The following CAT variants were observed in gnomAD, a reference collection of about 807,000 sequenced individuals.
The protein encoded by CAT is epididymis secretory sperm binding protein.
In CAT, 43 loss-of-function variants were observed where a neutral mutation model predicts 59.0. The observed-to-expected ratio is 0.73, with a 90% CI of 0.57 to 0.94. CAT has a LOEUF of 0.94. Ranked by LOEUF, CAT falls within the 40% of genes least tolerant of loss-of-function variation. The pLI, the probability that CAT is intolerant of heterozygous loss-of-function variation, is 0.00. For missense variants in CAT, 664 were observed against 682.9 expected (o/e 0.97, Z 0.31); for synonymous variants, 218 against 230.9 (o/e 0.94, Z 0.51).
intron 11 of CAT, among the ~76,000 whole-genome samples, chr11:34,469,908 C>T (rs1251770330): frequency 6.6e-6 from 1 of 152,130 alleles, no homozygotes; most frequent in African/African-American, 2.4e-5. Context: ...TCAGGTGATC[C>T]ACCCATCTTG....
chr11:34,439,162 G>C, intron 1 of CAT, 83 bp downstream of exon 1: 1 of 1,334,394 alleles, frequency 7.5e-7, no homozygotes, highest in Non-Finnish European at 1.1e-6. Context: ...GCTTCCCCCG[G>C]GGCGGCGCTT....
Position 34,456,136 on chromosome 11 carries a change from T to C in CAT, c.837T>C (p.Phe279=), listed in dbSNP as rs778966111. 1 of 1,614,056 alleles carries C rather than the reference T, an allele frequency of 6.2e-7. No individual in the cohort carries two copies. The highest frequency in any genetic ancestry group is 2.2e-5 in the East Asian group (1 of 44,876). ...IATGKYPSWT[F]YIQVMTFNQA... is the part of the protein sequence containing the mutation. The stretch of plus-strand genomic sequence containing the variant: ...CAGGAAAGTACCCCTCCTGGACTTT[T>C]TACATCCAGGTCATGACATTTAATC... Residue 279 remains phenylalanine, a synonymous_variant, in exon 7 of 13, where the codon TTT becomes TTC. Transcript: ENST00000241052.
intron 1 of CAT, among the ~76,000 whole-genome samples, chr11:34,442,364 G>A (rs950751207): frequency 4.6e-5 from 7 of 152,196 alleles, no homozygotes; most frequent in Non-Finnish European, 1.0e-4. Context: ...CACTTTGGGA[G>A]GCTGAGGTGG....
At chr11:34,458,964 C>A (rs1564964521) in intron 8 of CAT, among the ~76,000 whole-genome samples, 1 of 151,738 alleles carries the variant, frequency 6.6e-6, no homozygotes, top group Non-Finnish European at 1.5e-5. Flanking sequence ...AATTTTAGTT[C>A]TGGCAAATAT....
chr11:34,465,250 G>C (rs1259913652), intron 10 of CAT, among the ~76,000 whole-genome samples: 1 of 152,140 alleles, frequency 6.6e-6, no homozygotes, highest in Non-Finnish European at 1.5e-5. Context: ...TGTGAATGTG[G>C]GTTCCAAGTA....
chr11:34,444,431 C>T (rs1856425923), intron 1 of CAT, among the ~76,000 whole-genome samples: 1 of 152,200 alleles, frequency 6.6e-6, no homozygotes, highest in Non-Finnish European at 1.5e-5. Flanking sequence ...CAGTCAATAT[C>T]TAGACCACCC....
intron 10 of CAT, among the ~76,000 whole-genome samples, chr11:34,466,310 A>T (rs1856715312): frequency 6.6e-6 from 1 of 152,218 alleles, no homozygotes; most frequent in Non-Finnish European, 1.5e-5. Context: ...TTTATATGGA[A>T]ATGTTCAGCA....
chr11:34,450,159 A>C (rs1217909648), intron 2 of CAT, among the ~76,000 whole-genome samples: 1 of 152,222 alleles, frequency 6.6e-6, no homozygotes, highest in Non-Finnish European at 1.5e-5. Context: ...ACGTTGAACA[A>C]AACAATGTTG....
At chr11:34,462,902 T>G (rs1240378625) in intron 9 of CAT, among the ~76,000 whole-genome samples, 3 of 152,222 alleles carry the variant, frequency 2.0e-5, no homozygotes, top group African/African-American at 7.2e-5. Context: ...AAGAAAACAC[T>G]GTGATGGCTG....
At chr11:34,466,798 A>G (rs1032363170) in intron 10 of CAT, among the ~76,000 whole-genome samples, 2 of 150,438 alleles carry the variant, frequency 1.3e-5, no homozygotes, top group Admixed American at 6.6e-5. Flanking sequence ...AAAAAAAAAA[A>G]AAAAAAGAAA....
intron 8 of CAT, among the ~76,000 whole-genome samples, chr11:34,460,450 T>TA (rs1856637066): frequency 7.0e-6 from 1 of 142,698 alleles, no homozygotes; most frequent in Admixed American, 6.9e-5. Context: ...GCGGTACTTT[T>TA]TTTTTTTTTT....
chr11:34,451,124 G>C lies in CAT; in HGVS notation c.349+26G>C, dbSNP rs778103137. ...GTAAGTTGGTTTATTGGCGTGATTG[G>C]TATGGCTTAACTCAACTTCACCTTT... On this transcript the variant is annotated intron_variant, in intron 3 of 12. Coordinates refer to ENST00000241052, the MANE Select transcript of CAT (RefSeq NM_001752.4). 3.8e-6 allele frequency: 5 copies of C among 1,315,892 alleles called. No homozygotes were observed. In the Admixed American group the frequency reaches 6.7e-5, roughly 18 times the overall value. The allele number at this position is 1,315,892 out of a possible 1,614,324, so 81.5% of individuals were successfully genotyped here.
intron 6 of CAT, among the ~76,000 whole-genome samples, chr11:34,455,653 A>G (rs1564963616): frequency 6.6e-6 from 1 of 152,164 alleles, no homozygotes; most frequent in Non-Finnish European, 1.5e-5. Flanking sequence ...AAAGGCAAGT[A>G]GTCCTTTAAT....
chr11:34,459,302 C>G (rs1268190189), intron 8 of CAT, among the ~76,000 whole-genome samples: 1 of 152,118 alleles, frequency 6.6e-6, no homozygotes, highest in African/African-American at 2.4e-5. Context: ...TGGGGTTATT[C>G]CTGCTGAGAG....
chr11:34,464,209 A>G lies in CAT; in HGVS notation c.1300A>G (p.Thr434Ala), dbSNP rs770199564. ...QYSGEVRRFN[T>A]ANDDNVTQVR... ...TTCTGGAGAAGTGCGGAGATTCAAC[A>G]CTGCCAATGATGATAACGTTACTCA... Residue 434 changes from threonine to alanine, a missense_variant, in exon 10 of 13, where the codon ACT (threonine) becomes GCT (alanine). Physicochemically the swap from Thr to Ala is moderately conservative, Grantham distance 58 (BLOSUM62 0). Transcript: ENST00000241052. The G allele has an allele frequency of 7.4e-6, 12 of 1,613,922 alleles. No homozygotes were observed. Among genetic ancestry groups the G allele is most frequent in the Non-Finnish European group, 1.0e-5 (12 of 1,179,956 alleles).
Position 34,456,219 on chromosome 11 carries a change from C to T in CAT, c.903+17C>T. ...CTCACCAAGGTGAGTCAGTAAACAA[C>T]TATATTGTTTTCTTTTTTAAGTCTC... On this transcript the variant is annotated intron_variant, in intron 7 of 12. Transcript: ENST00000241052. The T allele has an allele frequency of 1.3e-6, 2 of 1,586,942 alleles. No individual in the cohort carries two copies. The highest frequency in any genetic ancestry group is 1.3e-5 in the African/African-American group (1 of 74,454).
chr11:34,459,945 A>G (rs376726839), intron 8 of CAT, among the ~76,000 whole-genome samples: 1 of 152,238 alleles, frequency 6.6e-6, no homozygotes, highest in Non-Finnish European at 1.5e-5. Context: ...ATTTGAAATG[A>G]TGATAAGAGG....
At chr11:34,442,561 A>C (rs1856403741) in intron 1 of CAT, among the ~76,000 whole-genome samples, 1 of 152,190 alleles carries the variant, frequency 6.6e-6, no homozygotes, top group African/African-American at 2.4e-5. Flanking sequence ...AGATCCTGCC[A>C]TTGCACTCCA....
chr11:34,467,093 A>C (rs1013865819), intron 10 of CAT, among the ~76,000 whole-genome samples: 1 of 152,234 alleles, frequency 6.6e-6, no homozygotes, highest in Non-Finnish European at 1.5e-5. Context: ...AGACATGATA[A>C]TTGGAAAGAG....
Sources: allele counts gnomAD v4.1 joint callset (sites outside exome capture counted in the v4.1 genomes callset), GRCh38; gene constraint gnomAD v4.1.1; transcripts MANE v1.5; gene names NCBI Gene and HGNC (gene_info 2026-07-23, HGNC 2026-07-21).